Variants in C7orf57 observed in about 807,000 individuals in gnomAD.
The protein encoded by C7orf57 is uncharacterized protein C7orf57.
A neutral mutation model predicts 39.0 loss-of-function variants in C7orf57; 33 were observed. That is an observed-to-expected ratio of 0.85 (90% CI 0.64 to 1.13). The LOEUF is 1.13. Among genes scored for constraint, C7orf57 ranks in the 50% most tolerant of loss-of-function variants. The pLI is 0.00. For missense variants in C7orf57, 346 were observed against 362.3 expected, an observed-to-expected ratio of 0.95 and a Z score of 0.37; for synonymous variants, 124 against 137.1, an observed-to-expected ratio of 0.90 and a Z score of 0.67.
At chr7:48,042,744 T>C (rs1308660444) in intron 3 of C7orf57, among the ~76,000 whole-genome samples, 1 of 152,074 alleles carries the variant, frequency 6.6e-6, no homozygotes, top group Non-Finnish European at 1.5e-5. Context: ...CAACCAAAGT[T>C]GTCTGCTACT....
chr7:48,052,096 C>T (rs1167942730), intron 6 of C7orf57, among the ~76,000 whole-genome samples: 1 of 151,654 alleles, frequency 6.6e-6, no homozygotes, highest in African/African-American at 2.4e-5. Context: ...GCCTCAGCCT[C>T]CTGAGTAGCT....
chr7:48,046,674 G>T, intron 5 of C7orf57, 58 bp downstream of exon 5: 1 of 1,550,508 alleles, frequency 6.4e-7, no homozygotes, highest in Non-Finnish European at 8.7e-7. Flanking sequence ...GTGGTCTCGA[G>T]TAATTAAGTG....
intron 6 of C7orf57, among the ~76,000 whole-genome samples, chr7:48,051,346 A>T (rs1307015389): frequency 1.6e-4 from 4 of 25,430 alleles, no homozygotes; most frequent in African/African-American, 2.6e-4. Context: ...ACAGCTGGCT[A>T]ATTTTTTTTT....
rs767387227 is a variant in C7orf57 at position 48,049,877 on chromosome 7, C to T, written c.508-3C>T. 5 of 1,613,010 alleles carry T rather than the reference C, an allele frequency of 3.1e-6. No homozygotes were observed. Among genetic ancestry groups the T allele is most frequent in the South Asian group, 1.1e-5 (1 of 90,932 alleles). ...TCAAGGTTTTGTGTGTTTCCTCACA[C>T]AGCTGAGGCTACCGGCCATTGACTC... On this transcript the variant is annotated splice_region_variant and splice_polypyrimidine_tract_variant and intron_variant, in intron 5 of 8. Coordinates refer to ENST00000348904, the MANE Select transcript of C7orf57 (RefSeq NM_001100159.3).
chr7:48,052,251 G>A (rs1365042413), intron 6 of C7orf57, among the ~76,000 whole-genome samples: 10 of 152,136 alleles, frequency 6.6e-5, no homozygotes, highest in African/African-American at 2.4e-4. Context: ...GATTATAGGC[G>A]TGAGCCACGG....
Position 48,051,808 on chromosome 7 carries a change from T to C in C7orf57, c.606-892T>C, listed in dbSNP as rs1170877134. Among the ~76,000 whole-genome samples, 8 of 90,096 alleles carry C rather than the reference T, an allele frequency of 8.9e-5. 1 individual carries two copies. In the Admixed American group the frequency reaches 9.1e-4, roughly 10 times the overall value. The allele number at this position is 90,096 out of a possible 152,430, so 59.1% of individuals were successfully genotyped here. A position where few individuals can be genotyped will look rare whatever the true frequency, so the allele number is the denominator to read the frequency against. ...TTTCTTTCTTTCTTTCCTTCCTTCC[T>C]TTTCTCTTCTCTTTCTTTCTTTCTT... On this transcript the variant is annotated intron_variant, in intron 6 of 8. Transcript: ENST00000348904.
chr7:48,060,352 C>A lies in C7orf57; in HGVS notation c.*80C>A. On this transcript the variant is annotated 3_prime_UTR_variant, in exon 9 of 9. Transcript: ENST00000348904. ...CTGTATTATAGCTATATTTCTGAGG[C>A]TTTTTTTGTATTTTATTAATATAGA... The A allele has an allele frequency of 3.4e-6, 3 of 888,662 alleles. No individual in the cohort carries two copies. The highest frequency in any genetic ancestry group is 5.0e-6 in the Non-Finnish European group (3 of 596,364). The allele number at this position is 888,662 out of a possible 1,614,324, so 55.0% of individuals were successfully genotyped here.
chr7:48,050,372 C>T (rs561707590), intron 6 of C7orf57, among the ~76,000 whole-genome samples: 12 of 152,318 alleles, frequency 7.9e-5, no homozygotes, highest in Non-Finnish European at 1.5e-4. Flanking sequence ...GAGGTGTCCG[C>T]GCCTTGTAAG....
At chr7:48,054,863 T>C (rs1791066529) in intron 8 of C7orf57, among the ~76,000 whole-genome samples, 2 of 151,394 alleles carry the variant, frequency 1.3e-5, no homozygotes, top group East Asian at 3.9e-4. Context: ...ATGATGATGA[T>C]GATGATTATT....
intron 6 of C7orf57, among the ~76,000 whole-genome samples, chr7:48,052,186 A>G (rs1790973274): frequency 6.6e-6 from 1 of 151,826 alleles, no homozygotes; most frequent in African/African-American, 2.4e-5. Flanking sequence ...GTTGACCAGG[A>G]TGGCCTCGAT....
intron 6 of C7orf57, among the ~76,000 whole-genome samples, chr7:48,051,809 T>TCCTTCCTTTTCTC (rs1554299741): frequency 1.2e-5 from 1 of 83,732 alleles, no homozygotes; most frequent in African/African-American, 5.1e-5. Context: ...CTTCCTTCCT[T>TCCTTCCTTTTCTC]TTCTCTTCTC....
intron 2 of C7orf57, among the ~76,000 whole-genome samples, chr7:48,039,509 T>C (rs7459070): frequency 0.47 from 70,633 of 150,804 alleles, 17,184 homozygotes; most frequent in African/African-American, 0.61. Flanking sequence ...TGGCGGGTGG[T>C]GGGGGGCTTA....
intron 6 of C7orf57, 56 bp downstream of exon 6, chr7:48,050,033 G>C: frequency 4.1e-6 from 5 of 1,207,940 alleles, no homozygotes; most frequent in Non-Finnish European, 6.1e-6. Context: ...TTGGCCTTCC[G>C]TCTTTCATCC....
chr7:48,046,294 GGAGAGAGAGGGA>G (rs1583809774), intron 4 of C7orf57, among the ~76,000 whole-genome samples, 154 bp from the exon 5 acceptor site: 1 of 151,498 alleles, frequency 6.6e-6, no homozygotes, highest in African/African-American at 2.4e-5. Context: ...AGCAGGAGAG[GGAGAGAGAGGGA>G]GAGAGAGAGG....
At chr7:48,054,002 A>G (rs1176453870) in intron 7 of C7orf57, among the ~76,000 whole-genome samples, 1 of 152,144 alleles carries the variant, frequency 6.6e-6, no homozygotes, top group East Asian at 1.9e-4. Flanking sequence ...ACCGTTTGCC[A>G]TTCTACACCC....
intron 2 of C7orf57, 47 bp downstream of exon 2, chr7:48,036,410 G>T (rs1189387934): frequency 1.3e-6 from 2 of 1,503,382 alleles, no homozygotes; most frequent in Admixed American, 4.5e-5. Flanking sequence ...CTGGGTGCGT[G>T]CACTCTGCTT....
At chr7:48,052,658 A>G (rs372702682) in intron 6 of C7orf57, 42 bp from the exon 7 acceptor site, 4 of 1,535,456 alleles carry the variant, frequency 2.6e-6, no homozygotes, top group Admixed American at 1.7e-5. Flanking sequence ...TTTATCATTA[A>G]CCCTTGTACT....
intron 3 of C7orf57, among the ~76,000 whole-genome samples, 165 bp from the exon 4 acceptor site, chr7:48,043,316 C>T (rs1193340020): frequency 6.6e-6 from 1 of 152,200 alleles, no homozygotes; most frequent in African/African-American, 2.4e-5. Flanking sequence ...TCAGCCTGTG[C>T]ACAGACAGGT....
chr7:48,046,624 GA>G lies in C7orf57; in HGVS notation c.507+9del. On this transcript the variant is annotated intron_variant, in intron 5 of 8. Coordinates refer to ENST00000348904, the MANE Select transcript of C7orf57 (RefSeq NM_001100159.3). Reference sequence around the variant, plus strand: ...GAAAAGGAGAAAAAAAAGGTGACGGGAGCCCATAAATAGACGGCATCCGCAT... The same window carrying G: ...GAAAAGGAGAAAAAAAAGGTGACGGGGCCCATAAATAGACGGCATCCGCAT... 6 of 1,609,904 alleles carry G rather than the reference GA, an allele frequency of 3.7e-6. No individual in the cohort carries two copies. The highest frequency in any genetic ancestry group is 5.1e-6 in the Non-Finnish European group (6 of 1,177,998).
Sources: gnomAD v4.1 joint callset for allele counts (sites outside exome capture counted in the v4.1 genomes callset) on GRCh38, gnomAD v4.1.1 for gene constraint, MANE v1.5 for transcripts, NCBI Gene and HGNC (gene_info 2026-07-23, HGNC 2026-07-21) for gene names.